LHCGR: variants seen among roughly 807,000 people sequenced by gnomAD.
LHCGR encodes luteinizing hormone/choriogonadotropin receptor, also known as lutropin-choriogonadotropic hormone receptor.
A neutral mutation model predicts 60.7 loss-of-function variants in LHCGR; 55 were observed. The observed-to-expected ratio is 0.91, with a 90% confidence interval of 0.73 to 1.13. LHCGR has a LOEUF of 1.13. Ranked by LOEUF, LHCGR falls within the 50% of genes most tolerant of loss-of-function variation. LHCGR has a pLI of 0.00. For missense variants in LHCGR, 862 were observed against 836.0 expected (o/e 1.03, Z -0.38); for synonymous variants, 337 against 316.5 (o/e 1.06, Z -0.69).
chr2:48,743,485 C>T (rs1393993015), intron 1 of LHCGR, among the ~76,000 whole-genome samples: 1 of 152,144 alleles, frequency 6.6e-6, no homozygotes, highest in African/African-American at 2.4e-5. Context: ...CATCAAAAAG[C>T]TTATCCACCA....
At chr2:48,726,099 A>T (rs1261513492) in intron 3 of LHCGR, among the ~76,000 whole-genome samples, 1 of 151,790 alleles carries the variant, frequency 6.6e-6, no homozygotes, top group East Asian at 1.9e-4. Context: ...GACCCTGTAC[A>T]CTGAGGGTGA....
intron 1 of LHCGR, among the ~76,000 whole-genome samples, chr2:48,751,953 C>G (rs1669975152): frequency 6.6e-6 from 1 of 152,176 alleles, no homozygotes; most frequent in Admixed American, 6.5e-5. Flanking sequence ...AGCAGATCAA[C>G]CTTTCTGTTG....
intron 1 of LHCGR, among the ~76,000 whole-genome samples, chr2:48,750,822 C>T (rs968736302): frequency 6.6e-6 from 1 of 152,172 alleles, no homozygotes; most frequent in Non-Finnish European, 1.5e-5. Context: ...CTGCCCCCTC[C>T]GGGGGTCATT....
At chr2:48,689,011 T>A (rs1158229925) in intron 10 of LHCGR, among the ~76,000 whole-genome samples, 162 bp from the exon 11 acceptor site, 1 of 152,144 alleles carries the variant, frequency 6.6e-6, no homozygotes, top group East Asian at 1.9e-4. Context: ...TGATTTGATG[T>A]AGGAGTACCT....
At chr2:48,706,833 A>G (rs1189496717) in intron 8 of LHCGR, among the ~76,000 whole-genome samples, 10 of 152,124 alleles carry the variant, frequency 6.6e-5, no homozygotes, top group Admixed American at 6.5e-4. Context: ...GATGGGTTAG[A>G]ACATGCTCCT....
intron 1 of LHCGR, among the ~76,000 whole-genome samples, chr2:48,747,765 GTT>G (rs2103724274): frequency 6.6e-6 from 1 of 152,202 alleles, no homozygotes; most frequent in Admixed American, 6.5e-5. Context: ...CTTCTATTAA[GTT>G]AATCTCTTAT....
In LHCGR at chr2:48,687,106, G is replaced by T. The variant is rs1679931434; in HGVS notation, c.*591C>A. 6.6e-6 allele frequency: 1 copy of T among 152,600 alleles called. No individual in the cohort carries two copies. Among genetic ancestry groups the T allele is most frequent in the South Asian group, 2.1e-4 (1 of 4,846 alleles). 9.5% of individuals were successfully genotyped at this position (152,600 alleles called of 1,614,324 possible). On this transcript the variant is annotated 3_prime_UTR_variant, in exon 11 of 11. Coordinates refer to ENST00000294954, the MANE Select transcript of LHCGR (RefSeq NM_000233.4). ...TATAATAGAACAGATAGAACTTTCT[G>T]TGGTGATGAAAATATTCTGTGTCTG...
At chr2:48,704,102 T>G (rs1667543093) in intron 8 of LHCGR, among the ~76,000 whole-genome samples, 1 of 152,242 alleles carries the variant, frequency 6.6e-6, no homozygotes, top group Admixed American at 6.5e-5. Context: ...CATGAAGCAC[T>G]GTTGAATTTT....
At chr2:48,751,300 T>TAA (rs1329764684) in intron 1 of LHCGR, among the ~76,000 whole-genome samples, 5 of 152,224 alleles carry the variant, frequency 3.3e-5, no homozygotes, top group African/African-American at 1.2e-4. Context: ...AGCTCTCTAA[T>TAA]AACTTTATGT....
At position 48,713,879 on chromosome 2, in the gene LHCGR, A is replaced by C. The variant is rs915998762; in HGVS notation, c.605+107T>G. On this transcript the variant is annotated intron_variant, in intron 7 of 10. Transcript: ENST00000294954. ...TGAAACACTGAGGGCTAGCCACTTG[A>C]AAGTTTATTTTTGCCCTGAGTTAGT... is the stretch of plus-strand genomic sequence containing the variant. 6.6e-6 allele frequency: 6 copies of C among 909,012 alleles called. No individual in the cohort carries two copies. The African/African-American group carries it at 9.9e-5, about 15-fold the overall frequency. The allele number at this position is 909,012 out of a possible 1,614,324, so 56.3% of individuals were successfully genotyped here. A position where few individuals can be genotyped will look rare whatever the true frequency, so the allele number is the denominator to read the frequency against.
intron 8 of LHCGR, among the ~76,000 whole-genome samples, chr2:48,703,749 C>G (rs978647817): frequency 1.3e-5 from 2 of 152,184 alleles, no homozygotes; most frequent in East Asian, 3.8e-4. Context: ...TATCCCAAGA[C>G]TTCGCTGAAG....
At chr2:48,717,589 C>A (rs1037636510) in intron 6 of LHCGR, among the ~76,000 whole-genome samples, 13 of 150,008 alleles carry the variant, frequency 8.7e-5, no homozygotes, top group Middle Eastern at 3.5e-3. Context: ...AGCCTTCTGA[C>A]AAGAACAGAG....
intron 1 of LHCGR, among the ~76,000 whole-genome samples, chr2:48,747,562 C>T (rs998243153): frequency 1.3e-5 from 2 of 152,108 alleles, no homozygotes; most frequent in Non-Finnish European, 2.9e-5. Flanking sequence ...CTGAGCAGAT[C>T]GATTCTATGC....
chr2:48,699,483 T>C (rs1403446244), intron 8 of LHCGR, among the ~76,000 whole-genome samples: 1 of 151,942 alleles, frequency 6.6e-6, no homozygotes, highest in African/African-American at 2.4e-5. Flanking sequence ...AGCCAGCACA[T>C]GCAGTTACAT....
chr2:48,708,589 A>G (rs1432010313), intron 8 of LHCGR, among the ~76,000 whole-genome samples: 1 of 152,062 alleles, frequency 6.6e-6, no homozygotes, highest in Non-Finnish European at 1.5e-5. Flanking sequence ...CACATACACA[A>G]TGTACCATGT....
intron 8 of LHCGR, among the ~76,000 whole-genome samples, chr2:48,707,019 C>T (rs1438454754): frequency 1.3e-5 from 2 of 152,168 alleles, no homozygotes; most frequent in African/African-American, 4.8e-5. Flanking sequence ...TTCTCCCCAT[C>T]TTTGTGGTTT....
intron 10 of LHCGR, 51 bp downstream of exon 10, chr2:48,694,173 G>T: frequency 9.6e-7 from 1 of 1,040,624 alleles, no homozygotes; most frequent in Non-Finnish European, 1.5e-6. Context: ...ATAATAAGGT[G>T]CACACAGAAC....
chr2:48,748,322 T>G (rs934579944), intron 1 of LHCGR, among the ~76,000 whole-genome samples: 1 of 152,128 alleles, frequency 6.6e-6, no homozygotes, highest in South Asian at 2.1e-4. Flanking sequence ...GCTTTCTGTG[T>G]GTCCAGTCTG....
chr2:48,712,660 C>G (rs1668052340), intron 7 of LHCGR, among the ~76,000 whole-genome samples: 1 of 151,576 alleles, frequency 6.6e-6, no homozygotes, highest in African/African-American at 2.4e-5. Context: ...AAAGTATAAT[C>G]TTGTTGAATT....
Sources: allele counts gnomAD v4.1 joint callset (sites outside exome capture counted in the v4.1 genomes callset), GRCh38; gene constraint gnomAD v4.1.1; transcripts MANE v1.5; gene names NCBI Gene and HGNC (gene_info 2026-07-23, HGNC 2026-07-21).